Variants in ZSWIM2 observed in about 807,000 individuals in gnomAD.
ZSWIM2 encodes the protein E3 ubiquitin-protein ligase ZSWIM2.
Under a neutral mutation model 48.4 loss-of-function variants are expected in ZSWIM2, and 38 were observed. The ratio of observed to expected loss-of-function variants is 0.79; its 90% confidence interval spans 0.61 to 1.03. The LOEUF is 1.03. Among genes scored for constraint, ZSWIM2 ranks in the 50% least tolerant of loss-of-function variants. The pLI, the probability that ZSWIM2 is intolerant of heterozygous loss-of-function variation, is 0.00. For missense variants in ZSWIM2, 776 were observed against 730.2 expected (o/e 1.06, Z -0.72); for synonymous variants, 240 against 251.3 (o/e 0.96, Z 0.42).
chr2:186,846,915 A>G (rs1692014160), intron 2 of ZSWIM2, among the ~76,000 whole-genome samples: 1 of 151,790 alleles, frequency 6.6e-6, no homozygotes, highest in African/African-American at 2.4e-5. Flanking sequence ...CCTAAGTTAA[A>G]TAATTCGGAA....
Position 186,837,401 on chromosome 2 carries a change from T to C in ZSWIM2, c.648A>G (p.Lys216=). The C allele has an allele frequency of 6.2e-7, 1 of 1,612,946 alleles. No homozygotes were observed. The highest frequency in any genetic ancestry group is 8.5e-7 in the Non-Finnish European group (1 of 1,179,306). The change falls in exon 5 of 9, where the codon AAA becomes AAG. Residue 216 remains lysine (K), a synonymous_variant. Transcript: ENST00000295131. The part of the protein sequence containing the change: ...LILEEFKNSS[K]LVAAAEKERL... ...TCTCTTTTTCTGCTGCAGCTACTAGTTTGCTAGAGTTTTTGAATTCCTCCA... is the reference window on the plus strand; with the variant it reads ...TCTCTTTTTCTGCTGCAGCTACTAGCTTGCTAGAGTTTTTGAATTCCTCCA...
rs775379352 is a variant in ZSWIM2 at position 186,827,938 on chromosome 2, A to AT, written c.*45dup. On this transcript the variant is annotated 3_prime_UTR_variant, in exon 9 of 9. Transcript: ENST00000295131. ...GTGCTTTTTATGTTCTATATAAAAC[A>AT]TTTTTTTATATTCAACATTCAAATA... 2.8e-6 allele frequency: 4 copies of AT among 1,425,562 alleles called. No individual in the cohort carries two copies. The highest frequency in any genetic ancestry group is 2.4e-5 in the East Asian group (1 of 41,310). The allele number at this position is 1,425,562 out of a possible 1,614,324, so 88.3% of individuals were successfully genotyped here. A position where few individuals can be genotyped will look rare whatever the true frequency, so the allele number is the denominator to read the frequency against.
chr2:186,828,045 G>C lies in ZSWIM2; in HGVS notation c.1841C>G (p.Ser614Cys), dbSNP rs769858456. Residue 614 changes from serine (S) to cysteine (C), a missense_variant, in exon 9 of 9, where the codon TCT becomes TGT. Physicochemically the swap from Ser to Cys is moderately radical, Grantham distance 112 (BLOSUM62 -1). Transcript: ENST00000295131. ...AGTACTTTTTGTATTTACAGAGTGA[G>C]ACACAGGCTGTCTTGATAGATGACT... ...KCSHLSRQPV[S>C]HSVNTKSTEL... is the part of the protein sequence containing the mutation. The C allele has an allele frequency of 1.2e-6, 2 of 1,612,906 alleles. No homozygotes were observed. The highest frequency in any genetic ancestry group is 1.7e-6 in the Non-Finnish European group (2 of 1,179,500).
Position 186,849,154 on chromosome 2 carries a change from C to T in ZSWIM2, c.-24G>A. On this transcript the variant is annotated 5_prime_UTR_variant, in exon 1 of 9. Coordinates refer to ENST00000295131, the MANE Select transcript of ZSWIM2 (RefSeq NM_182521.3). ...ATGCTGGGTGCGGGCGGAGGCGGCC[C>T]CTCTGCTCGGCTCACTGAGGCGCCA... is the stretch of plus-strand genomic sequence containing the variant. 6.3e-7 allele frequency: 1 copy of T among 1,591,560 alleles called. No homozygotes were observed. Among genetic ancestry groups the T allele is most frequent in the Non-Finnish European group, 8.6e-7 (1 of 1,165,994 alleles).
Position 186,844,838 on chromosome 2 carries a change from G to A in ZSWIM2, c.243-81C>T, listed in dbSNP as rs375429129. On this transcript the variant is annotated intron_variant, in intron 2 of 8. Coordinates refer to ENST00000295131, the MANE Select transcript of ZSWIM2 (RefSeq NM_182521.3). ...AAGACATTTAAAAATATTTAGAATAGAAATTGAATTATAAGATTTATATTA... is the reference window on the plus strand; with the variant it reads ...AAGACATTTAAAAATATTTAGAATAAAAATTGAATTATAAGATTTATATTA... 1.4e-5 allele frequency: 17 copies of A among 1,183,788 alleles called. No individual in the cohort carries two copies. In the East Asian group the frequency reaches 2.8e-4, roughly 19 times the overall value. 73.3% of individuals were successfully genotyped at this position (1,183,788 alleles called of 1,614,324 possible).
At chr2:186,844,886 T>A in intron 2 of ZSWIM2, 129 bp from the exon 3 acceptor site, 1 of 775,766 alleles carries the variant, frequency 1.3e-6, no homozygotes, top group Non-Finnish European at 1.9e-6. Flanking sequence ...TGAATAAACT[T>A]AAAAATCATC....
chr2:186,833,089 C>A, intron 7 of ZSWIM2, 31 bp downstream of exon 7: 1 of 1,014,128 alleles, frequency 9.9e-7, no homozygotes, highest in Non-Finnish European at 1.4e-6. Flanking sequence ...TTCTGTCATA[C>A]AACAAATATA....
chr2:186,836,228 T>C (rs1466856549), intron 5 of ZSWIM2, among the ~76,000 whole-genome samples: 1 of 152,108 alleles, frequency 6.6e-6, no homozygotes, highest in Non-Finnish European at 1.5e-5. Flanking sequence ...TGAGAAAATT[T>C]AAATGCCCAT....
chr2:186,846,589 T>G (rs535018530), intron 2 of ZSWIM2, among the ~76,000 whole-genome samples: 21 of 151,744 alleles, frequency 1.4e-4, no homozygotes, highest in Non-Finnish European at 2.9e-4. Flanking sequence ...CTCAAAAAAC[T>G]AAAAATAGAA....
intron 6 of ZSWIM2, 64 bp downstream of exon 6, chr2:186,833,882 A>G (rs1342586697): frequency 3.0e-6 from 4 of 1,318,612 alleles, no homozygotes; most frequent in Non-Finnish European, 4.3e-6. Context: ...TTATTCTTAC[A>G]CTGACTTAGC....
intron 8 of ZSWIM2, 88 bp downstream of exon 8, chr2:186,829,639 A>G (rs1691662751): frequency 7.1e-7 from 1 of 1,414,070 alleles, no homozygotes; most frequent in South Asian, 1.3e-5. Flanking sequence ...AGCACAACTC[A>G]AAAGTAAAAG....
chr2:186,846,114 A>G (rs1027957638), intron 2 of ZSWIM2, among the ~76,000 whole-genome samples: 7 of 151,938 alleles, frequency 4.6e-5, no homozygotes, highest in African/African-American at 1.4e-4. Flanking sequence ...AAATGCAACA[A>G]AAAGAAAAAT....
chr2:186,845,257 G>T (rs891647583), intron 2 of ZSWIM2, among the ~76,000 whole-genome samples: 5 of 151,156 alleles, frequency 3.3e-5, no homozygotes, highest in Non-Finnish European at 7.4e-5. Flanking sequence ...ATTATTCAAA[G>T]ATACTAAATA....
At chr2:186,839,277 G>T in intron 3 of ZSWIM2, 108 bp from the exon 4 acceptor site, 1 of 998,100 alleles carries the variant, frequency 1.0e-6, no homozygotes, top group Non-Finnish European at 1.5e-6. Flanking sequence ...CAGAGAGACA[G>T]TTTTGATTGA....
Position 186,849,021 on chromosome 2 carries a change from A to G in ZSWIM2, c.110T>C (p.Met37Thr), listed in dbSNP as rs1692054831. Residue 37 changes from methionine (M) to threonine (T), a missense_variant, in exon 1 of 9, where the codon ATG (methionine) becomes ACG (threonine). Met to Thr is a moderately conservative substitution (Grantham distance 81, BLOSUM62 -1). Coordinates refer to ENST00000295131, the MANE Select transcript of ZSWIM2 (RefSeq NM_182521.3). ...LSSSIYLLRE[M>T]GPTGFLLREE... ...CCTCAGCAGGAAGCCAGTGGGGCCC[A>G]TCTCTCGTAGGAGGTAGATGCTGCT... The G allele has an allele frequency of 6.2e-7, 1 of 1,614,046 alleles. No individual in the cohort carries two copies.
Position 186,837,572 on chromosome 2 carries a change from G to A in ZSWIM2, c.495-18C>T. 6.3e-7 allele frequency: 1 copy of A among 1,595,882 alleles called. No homozygotes were observed. The highest frequency in any genetic ancestry group is 8.5e-7 in the Non-Finnish European group (1 of 1,170,788). ...AGCCAAACCTATGAGAGATAAAATTGAAGTTTACCATTTGTATAGAGCAGT... is the reference window on the plus strand; with the variant it reads ...AGCCAAACCTATGAGAGATAAAATTAAAGTTTACCATTTGTATAGAGCAGT... On this transcript the variant is annotated intron_variant, in intron 4 of 8. Transcript: ENST00000295131.
intron 4 of ZSWIM2, 95 bp downstream of exon 4, chr2:186,838,864 T>C (rs1691850470): frequency 9.4e-7 from 1 of 1,060,880 alleles, no homozygotes; most frequent in Non-Finnish European, 1.3e-6. Context: ...TAAAGTTGTC[T>C]ATTTTTTCCC....
chr2:186,847,704 T>C lies in ZSWIM2; in HGVS notation c.242+15A>G, dbSNP rs1336443442. 1.3e-6 allele frequency: 2 copies of C among 1,583,386 alleles called. No individual in the cohort carries two copies. The highest frequency in any genetic ancestry group is 1.7e-6 in the Non-Finnish European group (2 of 1,162,330). On this transcript the variant is annotated intron_variant, in intron 2 of 8. Coordinates refer to ENST00000295131, the MANE Select transcript of ZSWIM2 (RefSeq NM_182521.3). ...TGTTCCTTCATGGAAGATCTTCATT[T>C]GAAAAGTCACTTACCAGCAGATATG...
chr2:186,844,347 T>C (rs1213930297), intron 3 of ZSWIM2, among the ~76,000 whole-genome samples: 3 of 151,634 alleles, frequency 2.0e-5, no homozygotes, highest in African/African-American at 7.2e-5. Flanking sequence ...GCCAACAGTC[T>C]ATTTCTGGGA....
Sources: gnomAD v4.1 joint callset for allele counts (sites outside exome capture counted in the v4.1 genomes callset) on GRCh38, gnomAD v4.1.1 for gene constraint, MANE v1.5 for transcripts, NCBI Gene and HGNC (gene_info 2026-07-23, HGNC 2026-07-21) for gene names.